ASIC2: variants seen among roughly 807,000 people sequenced by gnomAD.
ASIC2 encodes the protein acid-sensing ion channel 2.
Under a neutral mutation model 57.3 loss-of-function variants are expected in ASIC2, and 25 were observed. The observed-to-expected ratio is 0.44, with a 90% confidence interval of 0.32 to 0.61. The LOEUF (loss-of-function observed/expected upper bound fraction) is 0.61. ASIC2 is among the 20% of genes least tolerant of loss of function. ASIC2 has a pLI of 0.06. For missense variants in ASIC2, 641 were observed against 738.1 expected (o/e 0.87, Z 1.52); for synonymous variants, 319 against 307.5 (o/e 1.04, Z -0.39).
intron 1 of ASIC2, among the ~76,000 whole-genome samples, chr17:33,567,446 A>G (rs1476808116): frequency 1.3e-5 from 2 of 152,160 alleles, no homozygotes; most frequent in Admixed American, 1.3e-4. Flanking sequence ...ATGAAGGGAA[A>G]TTCCAGGGAA....
intron 3 of ASIC2, among the ~76,000 whole-genome samples, chr17:33,033,100 G>A (rs994699740): frequency 2.0e-5 from 3 of 152,146 alleles, no homozygotes; most frequent in African/African-American, 4.8e-5. Context: ...GATACCGATG[G>A]CAGTGGCTGC....
In ASIC2 at chr17:33,293,232, C is replaced by G. The variant is rs1228112426; in HGVS notation, c.-1117G>C. Among the ~76,000 whole-genome samples, 1 of 152,062 alleles carries G rather than the reference C, an allele frequency of 6.6e-6. No homozygotes were observed. Among genetic ancestry groups the G allele is most frequent in the Non-Finnish European group, 1.5e-5 (1 of 68,002 alleles). ...GCCCCAGGCGAACTTGGGCAGCGGCCGCGCGACGCTGGCGCGGCTGGGCTC... is the reference window on the plus strand; with the variant it reads ...GCCCCAGGCGAACTTGGGCAGCGGCGGCGCGACGCTGGCGCGGCTGGGCTC... On this transcript the variant is annotated 5_prime_UTR_variant, in exon 1 of 10. Coordinates refer to ENST00000225823, the MANE Select transcript of ASIC2 (RefSeq NM_183377.2).
intron 1 of ASIC2, among the ~76,000 whole-genome samples, chr17:33,966,850 A>T (rs1358641688): frequency 6.6e-6 from 1 of 152,186 alleles, no homozygotes. Context: ...TGTGCTTTGC[A>T]CTGATAATTT....
intron 1 of ASIC2, among the ~76,000 whole-genome samples, chr17:33,303,736 T>C (rs1426315977): frequency 6.6e-6 from 1 of 152,182 alleles, no homozygotes; most frequent in Non-Finnish European, 1.5e-5. Flanking sequence ...CTTCTTTCCT[T>C]CTTCTAGACT....
intron 1 of ASIC2, among the ~76,000 whole-genome samples, chr17:33,418,524 C>CCAT (rs1842674900): frequency 6.6e-6 from 1 of 152,220 alleles, no homozygotes; most frequent in Admixed American, 6.5e-5. Context: ...AGTCTTTAAT[C>CCAT]CATCTTGAGT....
chr17:33,290,030 C>T (rs1293524716), intron 1 of ASIC2, among the ~76,000 whole-genome samples: 1 of 152,282 alleles, frequency 6.6e-6, no homozygotes, highest in Non-Finnish European at 1.5e-5. Context: ...CTCCTACTTG[C>T]CAAAGCAGGG....
At chr17:33,569,868 T>C (rs955440670) in intron 1 of ASIC2, among the ~76,000 whole-genome samples, 6 of 152,264 alleles carry the variant, frequency 3.9e-5, no homozygotes, top group Non-Finnish European at 7.3e-5. Context: ...CAAAGTTGCC[T>C]GTCTTAGCAT....
At chr17:33,201,310 T>C (rs1381241424) in intron 1 of ASIC2, among the ~76,000 whole-genome samples, 2 of 152,180 alleles carry the variant, frequency 1.3e-5, no homozygotes, top group Non-Finnish European at 2.9e-5. Flanking sequence ...AATGAACGAA[T>C]GTCTTCTTCA....
chr17:33,997,392 G>A lies in ASIC2; in HGVS notation c.555+158586C>T, dbSNP rs1446476943. 3.5e-5 allele frequency among the ~76,000 whole-genome samples: 5 copies of A among 143,714 alleles called. No homozygotes were observed. The East Asian group carries it at 8.4e-4, about 24-fold the overall frequency. 94.3% of individuals were successfully genotyped at this position (143,714 alleles called of 152,430 possible). A position where few individuals can be genotyped will look rare whatever the true frequency, so the allele number is the denominator to read the frequency against. On this transcript the variant is annotated intron_variant, in intron 1 of 9. Transcript: ENST00000359872. The stretch of plus-strand genomic sequence containing the variant: ...TGGTCTCAAACTGCTGAGCTCAAGC[G>A]ATCGGCCAGCCTTGGGCTCCTGAAG...
At chr17:34,039,539 G>A in intron 1 of ASIC2, 1 of 1,613,966 alleles carries the variant, frequency 6.2e-7, no homozygotes, top group Non-Finnish European at 8.5e-7. Flanking sequence ...GAATGTTGCA[G>A]TGAGGATCGT....
At chr17:34,087,851 A>C (rs1276374010) in intron 1 of ASIC2, among the ~76,000 whole-genome samples, 1 of 152,120 alleles carries the variant, frequency 6.6e-6, no homozygotes, top group Non-Finnish European at 1.5e-5. Flanking sequence ...AGGCTTCTGC[A>C]TTCTTCACAT....
intron 1 of ASIC2, among the ~76,000 whole-genome samples, chr17:33,190,719 A>G (rs1487539143): frequency 1.3e-5 from 2 of 152,216 alleles, no homozygotes; most frequent in South Asian, 2.1e-4. Context: ...GTTGATCTAC[A>G]TGAATAACAT....
intron 1 of ASIC2, among the ~76,000 whole-genome samples, chr17:33,388,486 C>G (rs1164366158): frequency 1.3e-5 from 2 of 152,188 alleles, no homozygotes; most frequent in African/African-American, 4.8e-5. Flanking sequence ...GGTGGAAGTT[C>G]CAGCCATCCC....
At chr17:34,099,537 G>A (rs913901462) in intron 1 of ASIC2, among the ~76,000 whole-genome samples, 6 of 127,288 alleles carry the variant, frequency 4.7e-5, no homozygotes, top group Admixed American at 8.1e-5. Flanking sequence ...AGAAAGAAAG[G>A]AAAGAAAGAA....
chr17:33,861,077 T>G (rs1332763965), intron 1 of ASIC2, among the ~76,000 whole-genome samples: 2 of 152,178 alleles, frequency 1.3e-5, no homozygotes, highest in Non-Finnish European at 2.9e-5. Context: ...CAATAATTCT[T>G]GAAAAGAAAG....
intron 1 of ASIC2, among the ~76,000 whole-genome samples, chr17:33,508,801 A>G (rs1306425754): frequency 6.6e-6 from 1 of 152,100 alleles, no homozygotes; most frequent in Non-Finnish European, 1.5e-5. Flanking sequence ...TATGATGCAG[A>G]CCCCTGGAAT....
intron 1 of ASIC2, among the ~76,000 whole-genome samples, chr17:33,176,429 T>C (rs760684133): frequency 2.0e-5 from 3 of 152,168 alleles, no homozygotes; most frequent in Admixed American, 1.3e-4. Context: ...ACTGCAGCCT[T>C]GACCTCCTGG....
intron 3 of ASIC2, among the ~76,000 whole-genome samples, chr17:33,063,989 G>A (rs2092031522): frequency 6.6e-6 from 1 of 152,076 alleles, no homozygotes; most frequent in Admixed American, 6.6e-5. Context: ...CGTAGTTCTC[G>A]TGCCATGGTT....
intron 2 of ASIC2, among the ~76,000 whole-genome samples, chr17:33,091,519 C>T (rs945063058): frequency 6.6e-6 from 1 of 151,948 alleles, no homozygotes; most frequent in Non-Finnish European, 1.5e-5. Flanking sequence ...AAAGAGAGGA[C>T]CTGTGGTTTA....
Sources: gnomAD v4.1 joint callset for allele counts (sites outside exome capture counted in the v4.1 genomes callset) on GRCh38, gnomAD v4.1.1 for gene constraint, MANE v1.5 for transcripts, NCBI Gene and HGNC (gene_info 2026-07-23, HGNC 2026-07-21) for gene names.